Variants in PSMA3 observed in about 807,000 individuals in gnomAD.
PSMA3 encodes the protein proteasome subunit alpha type-3.
In PSMA3, 8 loss-of-function variants were observed where a neutral mutation model predicts 40.0. The observed-to-expected ratio is 0.20, with a 90% CI of 0.12 to 0.36. The LOEUF (loss-of-function observed/expected upper bound fraction) is 0.36. PSMA3 is among the 10% of genes least tolerant of loss of function. The pLI, the probability that PSMA3 is intolerant of heterozygous loss-of-function variation, is 1.00. For missense variants in PSMA3, 219 were observed against 310.6 expected (o/e 0.70, Z 2.22); for synonymous variants, 110 against 100.0 (o/e 1.10, Z -0.59).
intron 6 of PSMA3, among the ~76,000 whole-genome samples, chr14:58,261,598 A>G (rs753666293): frequency 6.6e-6 from 1 of 152,110 alleles, no homozygotes; most frequent in Non-Finnish European, 1.5e-5. Context: ...CTTTATTACT[A>G]TAAACACTGT....
rs746631729 is a variant in PSMA3, at chr14:58,271,862, GGAA to G, written c.741_743del (p.Glu247del). On this transcript the variant is annotated inframe_deletion, in exon 11 of 11. Coordinates refer to ENST00000216455, the MANE Select transcript of PSMA3 (RefSeq NM_002788.4). ...TTTTCTCTTAACAGGAATCTCTGAA[GGAA>G]GAAGATGAATCAGATGATGATAATA... The G allele has an allele frequency of 3.1e-5, 49 of 1,599,246 alleles. No homozygotes were observed. The highest frequency in any genetic ancestry group is 4.0e-5 in the African/African-American group (3 of 74,590).
At chr14:58,254,824 C>T (rs1008160935) in intron 3 of PSMA3, among the ~76,000 whole-genome samples, 9 of 152,098 alleles carry the variant, frequency 5.9e-5, no homozygotes, top group Middle Eastern at 3.2e-3. Flanking sequence ...TCTAAACACG[C>T]GTTTCCTTGT....
rs368281654 is a variant in PSMA3 at position 58,252,034 on chromosome 14, CTTATT to C, written c.105-82_105-78del. 1.6e-5 allele frequency: 23 copies of C among 1,401,806 alleles called. No individual in the cohort carries two copies. The African/African-American group carries it at 1.7e-4, about 11-fold the overall frequency. The allele number at this position is 1,401,806 out of a possible 1,614,324, so 86.8% of individuals were successfully genotyped here. A position where few individuals can be genotyped will look rare whatever the true frequency, so the allele number is the denominator to read the frequency against. On this transcript the variant is annotated intron_variant, in intron 2 of 10. Coordinates refer to ENST00000216455, the MANE Select transcript of PSMA3 (RefSeq NM_002788.4). Reference sequence around the variant, plus strand: ...GGTATTTGGCATGCCTTAAATGTTACTTATTTTGTTTTTTTGTTAAACTTAAGTTT... The same window carrying C: ...GGTATTTGGCATGCCTTAAATGTTACTTGTTTTTTTGTTAAACTTAAGTTT...
chr14:58,245,519 A>G (rs961670527), intron 1 of PSMA3: 1 of 152,656 alleles, frequency 6.6e-6, no homozygotes, highest in African/African-American at 2.4e-5. Context: ...CGTTTTTCCT[A>G]TACAAATTAC....
At chr14:58,263,836 G>A (rs754540159) in intron 7 of PSMA3, 66 bp downstream of exon 7, 1 of 1,432,686 alleles carries the variant, frequency 7.0e-7, no homozygotes, top group African/African-American at 1.4e-5. Flanking sequence ...TATCACCACA[G>A]ACATTTCAGT....
intron 5 of PSMA3, 143 bp from the exon 6 acceptor site, chr14:58,260,805 C>A: frequency 4.0e-6 from 2 of 505,258 alleles, no homozygotes; most frequent in Non-Finnish European, 7.0e-6. Flanking sequence ...TAATTGAAAC[C>A]ACTGTTTCAA....
At position 58,245,269 on chromosome 14, in the gene PSMA3, A is replaced by G. The variant is rs1889854536; in HGVS notation, c.21+328A>G. 7 of 351,894 alleles carry G rather than the reference A, an allele frequency of 2.0e-5. No individual in the cohort carries two copies. The South Asian group carries it at 2.0e-4, about 10-fold the overall frequency. The allele number at this position is 351,894 out of a possible 1,614,324, so 21.8% of individuals were successfully genotyped here. On this transcript the variant is annotated intron_variant, in intron 1 of 10. Transcript: ENST00000216455. ...AGTGGAAACTCGTGGGGCTTGAAAT[A>G]GTGTGTTCTCTTGAGAACCACCGAG...
chr14:58,271,392 C>A (rs1032991780), intron 10 of PSMA3, among the ~76,000 whole-genome samples: 1 of 143,586 alleles, frequency 7.0e-6, no homozygotes, highest in Non-Finnish European at 1.5e-5. Flanking sequence ...GGCAGTGGCA[C>A]CATCTCTGCT....
chr14:58,267,665 C>T lies in PSMA3; in HGVS notation c.590+145C>T, dbSNP rs2140096356. The stretch of plus-strand genomic sequence containing the variant: ...AGGTAAATTTAACATTCTAAGAAGC[C>T]TCACGAAGGAAGAAAATGTTTTTAA... On this transcript the variant is annotated intron_variant, in intron 8 of 10. Coordinates refer to ENST00000216455, the MANE Select transcript of PSMA3 (RefSeq NM_002788.4). The T allele has an allele frequency of 2.4e-6, 3 of 1,241,634 alleles. No individual in the cohort carries two copies. In the East Asian group the frequency reaches 1.0e-4, roughly 42 times the overall value. 76.9% of individuals were successfully genotyped at this position (1,241,634 alleles called of 1,614,324 possible).
At chr14:58,252,978 T>G (rs918790086) in intron 3 of PSMA3, among the ~76,000 whole-genome samples, 1 of 151,438 alleles carries the variant, frequency 6.6e-6, no homozygotes, top group Non-Finnish European at 1.5e-5. Context: ...TCAATGTCAT[T>G]TTCTTTTTTT....
At chr14:58,267,445 A>C (rs1201085158) in intron 7 of PSMA3, 29 bp from the exon 8 acceptor site, 1 of 1,500,554 alleles carries the variant, frequency 6.7e-7, no homozygotes, top group Non-Finnish European at 8.9e-7. Context: ...TGTTCTTCTG[A>C]TGAACAGTAT....
chr14:58,267,803 T>G (rs1197109791), intron 8 of PSMA3: 1 of 267,230 alleles, frequency 3.7e-6, no homozygotes, highest in Non-Finnish European at 6.1e-6. Context: ...AGCTCCCAAC[T>G]TCTCAAATCT....
intron 2 of PSMA3, among the ~76,000 whole-genome samples, chr14:58,250,219 C>CTAAAAAA (rs1355257391): frequency 5.8e-5 from 1 of 17,132 alleles, no homozygotes; most frequent in African/African-American, 2.5e-4. Context: ...GACTCCATCT[C>CTAAAAAA]CAAAAAAAAA....
chr14:58,265,842 C>G (rs1890426039), intron 7 of PSMA3: 1 of 152,194 alleles, frequency 6.6e-6, no homozygotes, highest in Non-Finnish European at 1.5e-5. Context: ...ACATGAAGAA[C>G]TGTAAACATC....
chr14:58,263,594 C>A, intron 6 of PSMA3, 111 bp from the exon 7 acceptor site: 2 of 823,360 alleles, frequency 2.4e-6, no homozygotes, highest in South Asian at 4.2e-5. Context: ...TCTATACTTG[C>A]TTTTAAAAGT....
At chr14:58,251,649 T>C (rs1890013052) in intron 2 of PSMA3, among the ~76,000 whole-genome samples, 1 of 152,184 alleles carries the variant, frequency 6.6e-6, no homozygotes, top group Admixed American at 6.6e-5. Context: ...TTAGAAGCAA[T>C]ATGTTTATTA....
rs187260693 is a variant in PSMA3, at chr14:58,247,442, C to A, written c.22-308C>A. Among the ~76,000 whole-genome samples, 194 of 152,256 alleles carry A rather than the reference C, an allele frequency of 1.3e-3. 2 individuals are homozygous for A. The highest frequency in any genetic ancestry group is 3.7e-3 in the African/African-American group (152 of 41,558). The stretch of plus-strand genomic sequence containing the variant: ...AGTTATCGTTACAAATTTAAATGTT[C>A]GAACTCCAGTGCTGGTTCTACTGCC... On this transcript the variant is annotated intron_variant, in intron 1 of 10. Coordinates refer to ENST00000216455, the MANE Select transcript of PSMA3 (RefSeq NM_002788.4).
At chr14:58,266,046 CTTT>C (rs1313208538) in intron 7 of PSMA3, 1 of 152,322 alleles carries the variant, frequency 6.6e-6, no homozygotes, top group South Asian at 2.1e-4. Context: ...TCTACACTGT[CTTT>C]TTAACTATTT....
At chr14:58,259,303 A>C (rs1374400057) in intron 5 of PSMA3, among the ~76,000 whole-genome samples, 6 of 151,508 alleles carry the variant, frequency 4.0e-5, no homozygotes, top group African/African-American at 1.5e-4. Flanking sequence ...TTTTTTCATA[A>C]CTTTTTTTTT....
Sources: allele counts gnomAD v4.1 joint callset (sites outside exome capture counted in the v4.1 genomes callset), GRCh38; gene constraint gnomAD v4.1.1; transcripts MANE v1.5; gene names NCBI Gene and HGNC (gene_info 2026-07-23, HGNC 2026-07-21).